The following RPS6KC1 variants were observed in gnomAD, a reference collection of about 807,000 sequenced individuals.
RPS6KC1 encodes the protein ribosomal protein S6 kinase C1.
A neutral mutation model predicts 103.8 loss-of-function variants in RPS6KC1; 54 were observed. The ratio of observed to expected loss-of-function variants is 0.52; its 90% CI spans 0.42 to 0.65. The LOEUF (loss-of-function observed/expected upper bound fraction) is 0.65. RPS6KC1 is among the 30% of genes least tolerant of loss of function. The probability of loss-of-function intolerance (pLI) is 0.00; values close to 1 mark genes in which losing one functional copy is unlikely to be tolerated. For synonymous variants in RPS6KC1, 439 were observed against 438.7 expected, an observed-to-expected ratio of 1.00 and a Z score of -0.01; for missense variants, 1,151 against 1,253.8, an observed-to-expected ratio of 0.92 and a Z score of 1.24.
chr1:213,762,252 C>T, the RPS6KC1 span, among the ~76,000 whole-genome samples: 1 of 152,192 alleles, frequency 6.6e-6, no homozygotes, highest in Non-Finnish European at 1.5e-5. Context: ...AGTCACAGAT[C>T]AAGCCTTCCT....
the RPS6KC1 span, among the ~76,000 whole-genome samples, chr1:213,770,999 C>G: frequency 6.6e-6 from 1 of 152,222 alleles, no homozygotes; most frequent in African/African-American, 2.4e-5. Flanking sequence ...ACTTAACTCC[C>G]GGCCAGGGGC....
chr1:213,220,243 G>T (rs1201197567), intron 8 of RPS6KC1, among the ~76,000 whole-genome samples: 1 of 152,028 alleles, frequency 6.6e-6, no homozygotes, highest in East Asian at 1.9e-4. Context: ...CTTTAAATTA[G>T]TTTATAACTA....
At chr1:213,432,555 A>G in the RPS6KC1 span, among the ~76,000 whole-genome samples, 3 of 152,188 alleles carry the variant, frequency 2.0e-5, no homozygotes, top group African/African-American at 7.2e-5. Context: ...GAACCATTTA[A>G]TCAGGATAGT....
At chr1:213,096,439 A>G (rs1249441348) in intron 3 of RPS6KC1, among the ~76,000 whole-genome samples, 1 of 152,138 alleles carries the variant, frequency 6.6e-6, no homozygotes, top group Non-Finnish European at 1.5e-5. Flanking sequence ...CTATAGTCCC[A>G]ACACTTTGGG....
chr1:213,205,536 T>TATATATATATATATATATATA (rs1553378413), intron 8 of RPS6KC1: 4 of 82,314 alleles, frequency 4.9e-5, no homozygotes, highest in East Asian at 3.4e-4. Context: ...ACAAACTCAT[T>TATATATATATATATATATATA]TATATATATA....
chr1:213,260,215 T>C (rs748413525), intron 12 of RPS6KC1, among the ~76,000 whole-genome samples: 13 of 152,214 alleles, frequency 8.5e-5, no homozygotes, highest in Non-Finnish European at 1.9e-4. Context: ...TTCGAATTAG[T>C]TAATATCTGG....
chr1:213,347,194 T>C, the RPS6KC1 span, among the ~76,000 whole-genome samples: 1 of 151,892 alleles, frequency 6.6e-6, no homozygotes, highest in Non-Finnish European at 1.5e-5. Flanking sequence ...TAGCAAGGAG[T>C]TGGATGCAAA....
chr1:213,848,717 C>T, the RPS6KC1 span, among the ~76,000 whole-genome samples: 1 of 152,136 alleles, frequency 6.6e-6, no homozygotes, highest in Non-Finnish European at 1.5e-5. Context: ...ATTGTCCACA[C>T]TTCAATAACA....
At chr1:213,562,098 T>C in the RPS6KC1 span, among the ~76,000 whole-genome samples, 1 of 152,234 alleles carries the variant, frequency 6.6e-6, no homozygotes, top group Non-Finnish European at 1.5e-5. Context: ...ATTAGTTGGA[T>C]GAAGACTAGT....
the RPS6KC1 span, among the ~76,000 whole-genome samples, chr1:213,776,718 G>A: frequency 6.6e-6 from 1 of 152,192 alleles, no homozygotes; most frequent in Non-Finnish European, 1.5e-5. Flanking sequence ...GGCCTTTGAA[G>A]TTTTGAAACC....
the RPS6KC1 span, among the ~76,000 whole-genome samples, chr1:213,549,579 TTTCTTCTTCTTC>T: frequency 4.0e-5 from 6 of 150,320 alleles, no homozygotes; most frequent in Non-Finnish European, 7.4e-5. Context: ...TTTCTTTTCT[TTTCTTCTTCTTC>T]TTCTTCTTCT....
chr1:213,587,759 C>T, the RPS6KC1 span, among the ~76,000 whole-genome samples: 2 of 152,202 alleles, frequency 1.3e-5, no homozygotes, highest in Admixed American at 6.5e-5. Context: ...GCACGGGATT[C>T]GACATCCTCC....
chr1:213,500,167 A>T, the RPS6KC1 span, among the ~76,000 whole-genome samples: 1 of 152,260 alleles, frequency 6.6e-6, no homozygotes. Flanking sequence ...ATTATATGCT[A>T]TACAATTTTT....
chr1:213,135,389 C>T (rs370345211), intron 6 of RPS6KC1, among the ~76,000 whole-genome samples: 1 of 152,024 alleles, frequency 6.6e-6, no homozygotes, highest in South Asian at 2.1e-4. Flanking sequence ...GAGGTATGAG[C>T]CTTCTATCCG....
At chr1:213,685,114 A>G in the RPS6KC1 span, among the ~76,000 whole-genome samples, 1 of 152,154 alleles carries the variant, frequency 6.6e-6, no homozygotes, top group East Asian at 1.9e-4. Context: ...GCCCTGGATG[A>G]AAATGCTGTC....
the RPS6KC1 span, among the ~76,000 whole-genome samples, chr1:213,573,337 G>A: frequency 6.6e-6 from 1 of 152,200 alleles, no homozygotes; most frequent in Non-Finnish European, 1.5e-5. Flanking sequence ...GGAAGCCATT[G>A]AAGAAAACCC....
At chr1:213,321,147 C>T in the RPS6KC1 span, among the ~76,000 whole-genome samples, 5 of 152,324 alleles carry the variant, frequency 3.3e-5, no homozygotes, top group Admixed American at 2.6e-4. Flanking sequence ...TTTGACTACA[C>T]GTCGATGATG....
At chr1:213,343,440 T>TATATATATATATATATACAC in the RPS6KC1 span, among the ~76,000 whole-genome samples, 23 of 80,406 alleles carry the variant, frequency 2.9e-4, 4 homozygotes, top group Non-Finnish European at 4.8e-4. Context: ...TATATATATA[T>TATATATATATATATATACAC]ACATACCATG....
At chr1:213,132,951 T>A (rs1030533424) in intron 6 of RPS6KC1, among the ~76,000 whole-genome samples, 3 of 152,232 alleles carry the variant, frequency 2.0e-5, no homozygotes, top group Non-Finnish European at 4.4e-5. Context: ...GATGTTTTTC[T>A]TATTTAACTG....
Sources: gnomAD v4.1 joint callset for allele counts (sites outside exome capture counted in the v4.1 genomes callset) on GRCh38, gnomAD v4.1.1 for gene constraint, MANE v1.5 for transcripts, NCBI Gene and HGNC (gene_info 2026-07-23, HGNC 2026-07-21) for gene names.